Variants in KLF8 observed in about 807,000 individuals in gnomAD.
KLF8 encodes the protein KLF transcription factor 8.
In KLF8, 10 loss-of-function variants were observed where a neutral mutation model predicts 18.2. The observed-to-expected ratio is 0.55, with a 90% CI of 0.34 to 0.93. The LOEUF is 0.93. Ranked by LOEUF, KLF8 falls within the 40% of genes least tolerant of loss-of-function variation. The pLI, the probability that KLF8 is intolerant of heterozygous loss-of-function variation, is 0.02. For synonymous variants in KLF8, 109 were observed against 97.3 expected (o/e 1.12, Z -0.71); for missense variants, 264 against 277.9 (o/e 0.95, Z 0.36).
the KLF8 span, among the ~76,000 whole-genome samples, chrX:56,186,535 A>G: frequency 4.5e-5 from 5 of 111,455 alleles, no homozygotes; most frequent in African/African-American, 9.8e-5. Flanking sequence ...CCTAATAGAC[A>G]TCTACAGAAC....
the KLF8 span, among the ~76,000 whole-genome samples, chrX:56,062,363 T>C: frequency 9.0e-6 from 1 of 111,719 alleles, no homozygotes; most frequent in Non-Finnish European, 1.9e-5. Context: ...TCAGGAGCTC[T>C]TGTAAGGTAG....
chrX:56,124,050 A>G, the KLF8 span, among the ~76,000 whole-genome samples: 1 of 111,635 alleles, frequency 9.0e-6, no homozygotes, highest in Non-Finnish European at 1.9e-5. Context: ...TTTACAATAC[A>G]TTGTAGTTAT....
chrX:55,982,592 A>C, the KLF8 span, among the ~76,000 whole-genome samples: 6 of 111,779 alleles, frequency 5.4e-5, no homozygotes, highest in African/African-American at 2.0e-4. Flanking sequence ...AAAATGGTTA[A>C]AATTGGGGGT....
At chrX:56,267,876 A>G (rs1405672032) in intron 3 of KLF8, 2 of 111,155 alleles carry the variant, frequency 1.8e-5, no homozygotes, top group African/African-American at 6.5e-5. Context: ...TTGCCTTGCT[A>G]TACAATAGAT....
the KLF8 span, among the ~76,000 whole-genome samples, chrX:56,080,831 G>A: frequency 9.0e-6 from 1 of 110,973 alleles, no homozygotes; most frequent in Non-Finnish European, 1.9e-5. Context: ...CATATTTCTT[G>A]GAGGCTTAGC....
At chrX:56,125,658 T>A in the KLF8 span, among the ~76,000 whole-genome samples, 1 of 112,435 alleles carries the variant, frequency 8.9e-6, no homozygotes, top group Non-Finnish European at 1.9e-5. Context: ...CTTTTCTCCT[T>A]ACAGAATATC....
At chrX:55,946,637 G>T in the KLF8 span, among the ~76,000 whole-genome samples, 1 of 111,512 alleles carries the variant, frequency 9.0e-6, no homozygotes, top group Non-Finnish European at 1.9e-5. Context: ...TTGACGAATG[G>T]GATCTGATTA....
In KLF8 at chrX:56,233,268, T is replaced by C. The variant is rs773142602; in HGVS notation, c.-67T>C. 8.4e-7 allele frequency: 1 copy of C among 1,194,168 alleles called. No individual in the cohort carries two copies. Among genetic ancestry groups the C allele is most frequent in the Non-Finnish European group, 1.1e-6 (1 of 880,528 alleles). On this transcript the variant is annotated 5_prime_UTR_variant, in exon 1 of 6. Coordinates refer to ENST00000468660, the MANE Select transcript of KLF8 (RefSeq NM_007250.5). Reference sequence around the variant, plus strand: ...GGGGAACAGCTCTCTTGCGATCAGCTCAGGAGTATGAGCCTCCCGGAGGAC... The same window carrying C: ...GGGGAACAGCTCTCTTGCGATCAGCCCAGGAGTATGAGCCTCCCGGAGGAC...
chrX:55,957,689 G>T, the KLF8 span, among the ~76,000 whole-genome samples: 8 of 111,706 alleles, frequency 7.2e-5, no homozygotes, highest in African/African-American at 2.6e-4. Flanking sequence ...TCCTTTTTCA[G>T]ATTATTCATT....
the KLF8 span, among the ~76,000 whole-genome samples, chrX:55,949,308 C>G: frequency 9.4e-6 from 1 of 106,330 alleles, no homozygotes; most frequent in African/African-American, 3.4e-5. Context: ...TGTTTTGCCT[C>G]AAGTTGGTGG....
At chrX:55,965,215 G>A in the KLF8 span, among the ~76,000 whole-genome samples, 1 of 111,962 alleles carries the variant, frequency 8.9e-6, no homozygotes, top group South Asian at 3.7e-4. Flanking sequence ...CTTTATTCCT[G>A]GCATGCAAAC....
At chrX:56,077,081 T>A in the KLF8 span, among the ~76,000 whole-genome samples, 2 of 111,719 alleles carry the variant, frequency 1.8e-5, no homozygotes, top group Admixed American at 1.9e-4. Context: ...TTTTCTCCCA[T>A]TTTGTAGGTT....
chrX:56,066,843 G>T, the KLF8 span, among the ~76,000 whole-genome samples: 2 of 110,606 alleles, frequency 1.8e-5, no homozygotes, highest in African/African-American at 6.6e-5. Flanking sequence ...AGCTTCTTCT[G>T]TGGAGCAGTG....
chrX:56,105,669 C>T, the KLF8 span, among the ~76,000 whole-genome samples: 1 of 110,079 alleles, frequency 9.1e-6, no homozygotes, highest in East Asian at 2.8e-4. Flanking sequence ...ATCCAATTTG[C>T]CAGTCTGTGT....
the KLF8 span, among the ~76,000 whole-genome samples, chrX:56,129,257 A>T: frequency 1.8e-5 from 2 of 112,324 alleles, no homozygotes; most frequent in Non-Finnish European, 3.8e-5. Flanking sequence ...TACTGCAGGA[A>T]TAGACCAGAA....
At chrX:56,178,373 C>G in the KLF8 span, among the ~76,000 whole-genome samples, 1 of 112,078 alleles carries the variant, frequency 8.9e-6, no homozygotes, top group Non-Finnish European at 1.9e-5. Flanking sequence ...TTTGTAGATT[C>G]TGGATATTAG....
chrX:56,204,514 G>C, the KLF8 span, among the ~76,000 whole-genome samples: 23 of 111,310 alleles, frequency 2.1e-4, no homozygotes, highest in Admixed American at 3.8e-4. Context: ...TTCAAGAAAA[G>C]GTTTTCACTG....
At chrX:55,933,461 A>G in the KLF8 span, among the ~76,000 whole-genome samples, 1 of 112,281 alleles carries the variant, frequency 8.9e-6, no homozygotes, top group East Asian at 2.8e-4. Flanking sequence ...AAACAAAAAG[A>G]ATATTCCTGT....
the KLF8 span, among the ~76,000 whole-genome samples, chrX:55,938,158 A>G: frequency 3.6e-5 from 4 of 112,309 alleles, no homozygotes; most frequent in Non-Finnish European, 7.5e-5. Context: ...GAAGCCCATC[A>G]GACTAACAGG....
Sources: gnomAD v4.1 joint callset for allele counts (sites outside exome capture counted in the v4.1 genomes callset) on GRCh38, gnomAD v4.1.1 for gene constraint, MANE v1.5 for transcripts, NCBI Gene and HGNC (gene_info 2026-07-23, HGNC 2026-07-21) for gene names.